The following FMN1 variants were observed in gnomAD, a reference collection of about 807,000 sequenced individuals.
FMN1 encodes the protein formin 1, also known as formin-1.
In FMN1, 110 loss-of-function variants were observed where a neutral mutation model predicts 132.4. The ratio of observed to expected loss-of-function variants is 0.83; its 90% CI spans 0.71 to 0.97. The LOEUF (loss-of-function observed/expected upper bound fraction) is 0.97, where lower values mean the gene tolerates loss of function less well. Among genes scored for constraint, FMN1 ranks in the 50% least tolerant of loss-of-function variants. FMN1 has a pLI of 0.00. For synonymous variants in FMN1, 722 were observed against 651.7 expected (o/e 1.11, Z -1.64); for missense variants, 1,792 against 1,705.3 (o/e 1.05, Z -0.90).
At chr15:32,866,606 T>C (rs185871017) in intron 16 of FMN1, among the ~76,000 whole-genome samples, 7 of 152,310 alleles carry the variant, frequency 4.6e-5, no homozygotes, top group African/African-American at 1.7e-4. Flanking sequence ...AAACAAATCA[T>C]GTTACAGTCT....
At chr15:33,139,307 C>T (rs978053755) in intron 4 of FMN1, among the ~76,000 whole-genome samples, 2 of 152,152 alleles carry the variant, frequency 1.3e-5, no homozygotes, top group Non-Finnish European at 2.9e-5. Flanking sequence ...ACCTAAATAG[C>T]TGTTGTTGGC....
chr15:32,858,191 A>T (rs2059180674), intron 16 of FMN1, among the ~76,000 whole-genome samples: 1 of 152,218 alleles, frequency 6.6e-6, no homozygotes, highest in Non-Finnish European at 1.5e-5. Flanking sequence ...TACATTGGGA[A>T]ATTCCTATCC....
intron 7 of FMN1, among the ~76,000 whole-genome samples, chr15:32,998,100 G>C (rs1399991029): frequency 2.0e-5 from 3 of 152,172 alleles, no homozygotes; most frequent in Non-Finnish European, 4.4e-5. Context: ...TTGGCAACTA[G>C]AGCATCCATG....
chr15:33,086,853 T>C (rs532615145), intron 5 of FMN1, among the ~76,000 whole-genome samples: 1 of 152,366 alleles, frequency 6.6e-6, no homozygotes, highest in East Asian at 1.9e-4. Context: ...ATCTGGAATG[T>C]TGAATGCTGT....
intron 4 of FMN1, among the ~76,000 whole-genome samples, chr15:33,132,911 C>G (rs1229089387): frequency 2.0e-5 from 3 of 152,138 alleles, no homozygotes; most frequent in African/African-American, 7.2e-5. Flanking sequence ...TGTGAGCACA[C>G]ACCCCCCTCT....
chr15:33,011,742 C>G (rs1036680908), intron 6 of FMN1, among the ~76,000 whole-genome samples: 2 of 151,784 alleles, frequency 1.3e-5, no homozygotes, highest in African/African-American at 4.8e-5. Flanking sequence ...TAAATGCATC[C>G]TACAAAACTA....
intron 16 of FMN1, among the ~76,000 whole-genome samples, chr15:32,870,135 G>A (rs895845686): frequency 6.6e-6 from 1 of 152,122 alleles, no homozygotes; most frequent in African/African-American, 2.4e-5. Flanking sequence ...ATCTGCCTGG[G>A]ATGTTTTTGA....
At chr15:32,902,278 G>A (rs973499781) in intron 12 of FMN1, among the ~76,000 whole-genome samples, 3 of 152,068 alleles carry the variant, frequency 2.0e-5, no homozygotes, top group Admixed American at 6.5e-5. Context: ...AAATTCCTTC[G>A]GGAACAGAAA....
At position 33,075,020 on chromosome 15, in the gene FMN1, C is replaced by CAAAAAAAA. The variant is rs57504432; in HGVS notation, c.2044-9954_2044-9947dup. Among the ~76,000 whole-genome samples the CAAAAAAAA allele has an allele frequency of 3.9e-3, 242 of 61,658 alleles. 14 individuals are homozygous for CAAAAAAAA. Among genetic ancestry groups the CAAAAAAAA allele is most frequent in the Non-Finnish European group, 4.6e-3 (162 of 35,280 alleles). The allele number at this position is 61,658 out of a possible 152,430, so 40.5% of individuals were successfully genotyped here. A position where few individuals can be genotyped will look rare whatever the true frequency, so the allele number is the denominator to read the frequency against. ...TGGGCAACTGAGCAAGATTCCATCT[C>CAAAAAAAA]AAAAAAAAAAAAAAAAAAAAAAAAA... is the stretch of plus-strand genomic sequence containing the variant. On this transcript the variant is annotated intron_variant, in intron 5 of 20. Transcript: ENST00000616417.
intron 4 of FMN1, among the ~76,000 whole-genome samples, chr15:33,144,700 A>C (rs1964148618): frequency 2.0e-5 from 3 of 152,204 alleles, no homozygotes; most frequent in East Asian, 3.9e-4. Flanking sequence ...AAATATCGAT[A>C]AAGATGCTAT....
At chr15:33,133,525 A>G (rs887060907) in intron 4 of FMN1, among the ~76,000 whole-genome samples, 1 of 152,212 alleles carries the variant, frequency 6.6e-6, no homozygotes, top group African/African-American at 2.4e-5. Context: ...GGTGCCCATT[A>G]GCTACTTGAC....
At chr15:32,915,330 C>T (rs1487493487) in intron 10 of FMN1, among the ~76,000 whole-genome samples, 1 of 152,202 alleles carries the variant, frequency 6.6e-6, no homozygotes, top group African/African-American at 2.4e-5. Context: ...TCAATGAATG[C>T]TCTCCGATTA....
At chr15:32,922,039 T>G in intron 10 of FMN1, among the ~76,000 whole-genome samples, 1 of 152,210 alleles carries the variant, frequency 6.6e-6, no homozygotes, top group Non-Finnish European at 1.5e-5. Flanking sequence ...CTCTCAGACT[T>G]AATCTTAACT....
At chr15:33,149,831 G>A (rs538447466) in intron 4 of FMN1, 1 of 983,494 alleles carries the variant, frequency 1.0e-6, no homozygotes, top group South Asian at 4.7e-5. Context: ...ATATTAATAT[G>A]GGAAGAGTTT....
intron 16 of FMN1, among the ~76,000 whole-genome samples, chr15:32,880,349 CTTG>C (rs1223796065): frequency 1.4e-4 from 21 of 152,142 alleles, no homozygotes; most frequent in African/African-American, 5.1e-4. Flanking sequence ...GAACCTCACA[CTTG>C]TTACTAGTTG....
chr15:33,009,963 T>G (rs2034621850), intron 6 of FMN1, among the ~76,000 whole-genome samples: 2 of 152,304 alleles, frequency 1.3e-5, no homozygotes, highest in Middle Eastern at 3.4e-3. Context: ...CTTGGCTCAC[T>G]GGAACCTCCA....
At chr15:32,974,947 T>C (rs369701951) in intron 7 of FMN1, among the ~76,000 whole-genome samples, 2 of 152,254 alleles carry the variant, frequency 1.3e-5, no homozygotes, top group Admixed American at 6.5e-5. Flanking sequence ...CTTTCCATGA[T>C]ACTCATGGCT....
In FMN1 at chr15:33,025,053, A is replaced by G. The variant is rs112017405; in HGVS notation, c.2162-16978T>C. Among the ~76,000 whole-genome samples, 998 of 152,324 alleles carry G rather than the reference A, an allele frequency of 6.6e-3. 10 individuals carry two copies. Among genetic ancestry groups the G allele is most frequent in the African/African-American group, 0.022 (923 of 41,582 alleles). On this transcript the variant is annotated intron_variant, in intron 6 of 20. Transcript: ENST00000616417. Reference sequence around the variant, plus strand: ...TTTTGAGACTTTATACATTATTGTTATAAGTATAAAACATGGGATTAATAA... The same window carrying G: ...TTTTGAGACTTTATACATTATTGTTGTAAGTATAAAACATGGGATTAATAA...
intron 10 of FMN1, among the ~76,000 whole-genome samples, chr15:32,920,163 A>G (rs2060785325): frequency 6.6e-6 from 1 of 152,220 alleles, no homozygotes; most frequent in African/African-American, 2.4e-5. Context: ...AATAGTCAAC[A>G]GCAATTTTCT....
Sources: allele counts gnomAD v4.1 joint callset (sites outside exome capture counted in the v4.1 genomes callset), GRCh38; gene constraint gnomAD v4.1.1; transcripts MANE v1.5; gene names NCBI Gene and HGNC (gene_info 2026-07-23, HGNC 2026-07-21).